The following C5 variants were observed in gnomAD, a reference collection of about 807,000 sequenced individuals.
C5 encodes the protein C3 and PZP-like alpha-2-macroglobulin domain-containing protein 4.
A neutral mutation model predicts 218.8 loss-of-function variants in C5; 140 were observed. That is an observed-to-expected ratio of 0.64 (90% confidence interval 0.56 to 0.74). The LOEUF (loss-of-function observed/expected upper bound fraction) is 0.74, where lower values mean the gene tolerates loss of function less well. C5 is among the 30% of genes least tolerant of loss of function. C5 has a pLI of 0.00. For synonymous variants in C5, 614 were observed against 682.3 expected, an observed-to-expected ratio of 0.90 and a Z score of 1.56; for missense variants, 1,700 against 1,969.6, an observed-to-expected ratio of 0.86 and a Z score of 2.59.
intron 20 of C5, among the ~76,000 whole-genome samples, chr9:121,004,818 G>A (rs1377094457): frequency 6.6e-6 from 1 of 151,978 alleles, no homozygotes; most frequent in African/African-American, 2.4e-5. Flanking sequence ...GATTGCTATG[G>A]TATTTGGAGT....
intron 25 of C5, among the ~76,000 whole-genome samples, chr9:120,986,618 T>A (rs1163737290): frequency 6.6e-6 from 1 of 152,134 alleles, no homozygotes; most frequent in African/African-American, 2.4e-5. Flanking sequence ...TGTTGTACCT[T>A]CCTGTGGGGC....
intron 28 of C5, among the ~76,000 whole-genome samples, chr9:120,978,157 A>G (rs1008156193): frequency 1.3e-5 from 2 of 152,170 alleles, no homozygotes; most frequent in African/African-American, 2.4e-5. Context: ...AATTTCGTAC[A>G]TGCAGCACTT....
At chr9:121,017,877 A>T (rs774572286) in intron 12 of C5, 25 bp from the exon 13 acceptor site, 1 of 1,422,002 alleles carries the variant, frequency 7.0e-7, no homozygotes. Flanking sequence ...CAGCAGCAAC[A>T]ATAAGTAAAA....
rs764891630 is a variant in C5 at position 121,006,054 on chromosome 9, T to C, written c.2427A>G (p.Ile809Met). The part of the protein sequence containing the change: ...IQGVGISNTG[I>M]CVADTVKAKV... ...TTGCCTTGACAGTATCAGCAACACA[T>C]ATACCTTCAGCCCAAAGTGGAAGCA... The change falls in exon 20 of 41, where the codon ATA becomes ATG. Residue 809 changes from isoleucine (I) to methionine (M), a missense_variant. Transcript: ENST00000223642. The C allele has an allele frequency of 1.2e-6, 2 of 1,613,694 alleles. No homozygotes were observed. Among genetic ancestry groups the C allele is most frequent in the South Asian group, 1.1e-5 (1 of 91,074 alleles).
Position 121,025,557 on chromosome 9 carries a change from G to T in C5, c.897C>A (p.Val299=). ...TGACTGCTGTTTCAGAATCAAATGT[G>T]ACTTGAGCAATTCCATTTATCAACT... The part of the protein sequence containing the change: ...NTMLINGIAQ[V]TFDSETAVKE... Residue 299 remains valine (V), a synonymous_variant, in exon 9 of 41, where the codon GTC becomes GTA. Coordinates refer to ENST00000223642, the MANE Select transcript of C5 (RefSeq NM_001735.3). 6.2e-7 allele frequency: 1 copy of T among 1,612,704 alleles called. No individual in the cohort carries two copies. Among genetic ancestry groups the T allele is most frequent in the South Asian group, 1.1e-5 (1 of 91,032 alleles).
intron 25 of C5, among the ~76,000 whole-genome samples, chr9:120,986,795 C>T (rs1206616234): frequency 6.6e-6 from 1 of 152,110 alleles, no homozygotes; most frequent in Non-Finnish European, 1.5e-5. Context: ...TTATTAAAGA[C>T]AGGGTCTCCC....
rs550289877 is a variant in C5, at chr9:121,044,805, C to T, written c.258+1386G>A. Among the ~76,000 whole-genome samples, 11 of 152,196 alleles carry T rather than the reference C, an allele frequency of 7.2e-5. 1 individual carries two copies. In the South Asian group the frequency reaches 2.3e-3, roughly 32 times the overall value. On this transcript the variant is annotated intron_variant, in intron 2 of 40. Coordinates refer to ENST00000223642, the MANE Select transcript of C5 (RefSeq NM_001735.3). ...TATGGTAGCCAATAGCTACCTGGGGCTATTTGAACACTTGAAATGTTGCTA... is the reference window on the plus strand; with the variant it reads ...TATGGTAGCCAATAGCTACCTGGGGTTATTTGAACACTTGAAATGTTGCTA...
At chr9:121,025,668 T>G in intron 8 of C5, 88 bp from the exon 9 acceptor site, 1 of 1,287,224 alleles carries the variant, frequency 7.8e-7, no homozygotes, top group African/African-American at 1.5e-5. Context: ...AACCTCTAAA[T>G]TGAAGGTAAA....
intron 15 of C5, 42 bp downstream of exon 15, chr9:121,016,212 G>T: frequency 6.2e-7 from 1 of 1,612,070 alleles, no homozygotes. Context: ...GGGGGCAAAT[G>T]ATCAATGGGA....
chr9:120,963,644 A>G lies in C5; in HGVS notation c.4315T>C (p.Leu1439=), dbSNP rs375112382. The G allele has an allele frequency of 3.7e-6, 6 of 1,608,938 alleles. No homozygotes were observed. The highest frequency in any genetic ancestry group is 1.3e-5 in the African/African-American group (1 of 74,830). The change falls in exon 34 of 41, where the codon TTA becomes CTA. Residue 1439 remains leucine, a synonymous_variant. Coordinates refer to ENST00000223642, the MANE Select transcript of C5 (RefSeq NM_001735.3). ...PTGISANEED[L]KALVEGVDQL... Reference sequence around the variant, plus strand: ...TAAAAGAAAACACATACGGCTTTTAAGTCTTCTTCATTTGCACTGATTCCA... The same window carrying G: ...TAAAAGAAAACACATACGGCTTTTAGGTCTTCTTCATTTGCACTGATTCCA...
chr9:120,974,745 A>G, intron 30 of C5, 34 bp downstream of exon 30: 1 of 1,575,922 alleles, frequency 6.3e-7, no homozygotes, highest in African/African-American at 1.4e-5. Flanking sequence ...GGTCTCAGCC[A>G]ATTGTAAAAT....
intron 33 of C5, among the ~76,000 whole-genome samples, chr9:120,967,795 C>G (rs933672643): frequency 6.6e-6 from 1 of 151,936 alleles, no homozygotes; most frequent in Non-Finnish European, 1.5e-5. Flanking sequence ...GGTCACAGCT[C>G]ACTGCAGCCT....
chr9:120,953,890 T>G, intron 39 of C5, 22 bp from the exon 40 acceptor site: 1 of 1,613,142 alleles, frequency 6.2e-7, no homozygotes, highest in South Asian at 1.1e-5. Context: ...GCAAGTCAAG[T>G]AAGGTTATAC....
chr9:120,997,497 T>G (rs538150062), intron 21 of C5, 50 bp downstream of exon 21: 1 of 1,328,128 alleles, frequency 7.5e-7, no homozygotes, highest in African/African-American at 1.4e-5. Context: ...TTTCTGTGTC[T>G]CTCTTTTGCA....
At chr9:120,998,197 AG>A (rs1340063807) in intron 20 of C5, among the ~76,000 whole-genome samples, 3 of 152,236 alleles carry the variant, frequency 2.0e-5, no homozygotes, top group African/African-American at 7.2e-5. Flanking sequence ...ATAATCCCTT[AG>A]ATTCTAAGGC....
intron 2 of C5, among the ~76,000 whole-genome samples, chr9:121,044,639 C>T (rs2047610801): frequency 6.6e-6 from 1 of 152,250 alleles, no homozygotes; most frequent in East Asian, 1.9e-4. Flanking sequence ...CATGATATTG[C>T]TATGATAAAA....
At chr9:121,002,316 G>GTGTGTATATATATATATA (rs572345213) in intron 20 of C5, among the ~76,000 whole-genome samples, 2 of 87,406 alleles carry the variant, frequency 2.3e-5, no homozygotes, top group South Asian at 4.2e-4. Flanking sequence ...ATATGTGTGT[G>GTGTGTATATATATATATA]TATATATATA....
At chr9:121,002,209 T>C (rs1459232791) in intron 20 of C5, among the ~76,000 whole-genome samples, 12 of 63,184 alleles carry the variant, frequency 1.9e-4, no homozygotes, top group African/African-American at 2.3e-4. Flanking sequence ...TATATATGTA[T>C]ATATACGTAT....
intron 28 of C5, among the ~76,000 whole-genome samples, chr9:120,977,994 G>GATTATT (rs140561802): frequency 2.0e-5 from 3 of 151,422 alleles, no homozygotes; most frequent in South Asian, 2.1e-4. Context: ...ATATATAAGG[G>GATTATT]ATTATTATTA....
Sources: gnomAD v4.1 joint callset for allele counts (sites outside exome capture counted in the v4.1 genomes callset) on GRCh38, gnomAD v4.1.1 for gene constraint, MANE v1.5 for transcripts, NCBI Gene and HGNC (gene_info 2026-07-23, HGNC 2026-07-21) for gene names.